CDH1: variants seen among roughly 807,000 people sequenced by gnomAD.
The protein encoded by CDH1 is cadherin-1.
In CDH1, 35 loss-of-function variants were observed where a neutral mutation model predicts 84.5. The ratio of observed to expected loss-of-function variants is 0.41; its 90% CI spans 0.32 to 0.55. The LOEUF is 0.55. Ranked by LOEUF, CDH1 falls within the 20% of genes least tolerant of loss-of-function variation. CDH1 has a pLI of 0.19. For missense variants in CDH1, 994 were observed against 1,126.6 expected (o/e 0.88, Z 1.68); for synonymous variants, 417 against 439.0 (o/e 0.95, Z 0.63).
At chr16:68,748,071 A>G (rs1292247111) in intron 2 of CDH1, among the ~76,000 whole-genome samples, 3 of 109,284 alleles carry the variant, frequency 2.7e-5, no homozygotes, top group South Asian at 5.4e-4. Context: ...GCCCATTTTT[A>G]TTTTTTTTAA....
At chr16:68,765,690 C>CTTTTTTTTTTT (rs5817651) in intron 2 of CDH1, 1 of 146,204 alleles carries the variant, frequency 6.8e-6, no homozygotes, top group Non-Finnish European at 1.5e-5. Flanking sequence ...GACCTGTCTC[C>CTTTTTTTTTTT]TTTTTTTTTT....
intron 2 of CDH1, among the ~76,000 whole-genome samples, chr16:68,793,958 G>A (rs1391128315): frequency 6.6e-6 from 1 of 151,498 alleles, no homozygotes; most frequent in Non-Finnish European, 1.5e-5. Context: ...AAAAGTGGGA[G>A]GATGCTAAAA....
intron 2 of CDH1, among the ~76,000 whole-genome samples, chr16:68,799,217 A>G (rs1246802234): frequency 1.3e-5 from 2 of 152,168 alleles, no homozygotes; most frequent in African/African-American, 4.8e-5. Flanking sequence ...CTGTCTTCCC[A>G]TCATTTATTA....
At chr16:68,793,382 C>T (rs1960264562) in intron 2 of CDH1, among the ~76,000 whole-genome samples, 1 of 152,026 alleles carries the variant, frequency 6.6e-6, no homozygotes, top group Non-Finnish European at 1.5e-5. Context: ...ATGCTTTTGC[C>T]GTTATTCTCA....
chr16:68,762,038 C>A (rs1959234338), intron 2 of CDH1, among the ~76,000 whole-genome samples: 1 of 152,216 alleles, frequency 6.6e-6, no homozygotes, highest in African/African-American at 2.4e-5. Context: ...AGCATGGGCA[C>A]TGGCCTGCCT....
rs559645609 is a variant in CDH1, at chr16:68,805,404, G to T, written c.388-3020G>T. Among the ~76,000 whole-genome samples, 1 of 152,142 alleles carries T rather than the reference G, an allele frequency of 6.6e-6. No homozygotes were observed. Among genetic ancestry groups the T allele is most frequent in the African/African-American group, 2.4e-5 (1 of 41,436 alleles). On this transcript the variant is annotated intron_variant, in intron 3 of 15. Transcript: ENST00000261769. ...TTTCATTTAACACATGAAAATGTTA[G>T]TGTGATGTTTTGCCAGCACAGTGTT... is the stretch of plus-strand genomic sequence containing the variant.
At chr16:68,778,665 G>A (rs1449973602) in intron 2 of CDH1, among the ~76,000 whole-genome samples, 1 of 152,116 alleles carries the variant, frequency 6.6e-6, no homozygotes, top group Non-Finnish European at 1.5e-5. Context: ...AGGCAGGCAG[G>A]CAGGCCGGTT....
chr16:68,741,338 G>C (rs1334340675), intron 2 of CDH1, among the ~76,000 whole-genome samples: 3 of 152,182 alleles, frequency 2.0e-5, no homozygotes, highest in Non-Finnish European at 4.4e-5. Flanking sequence ...GAACTGGCTT[G>C]TGATTTTAAA....
intron 2 of CDH1, among the ~76,000 whole-genome samples, chr16:68,784,698 T>C (rs899381665): frequency 6.6e-6 from 1 of 152,200 alleles, no homozygotes; most frequent in African/African-American, 2.4e-5. Context: ...TATCTTTTTA[T>C]GCCTTTGGAT....
At chr16:68,745,549 A>ATATATATATATATATATGTATAT (rs1285099283) in intron 2 of CDH1, among the ~76,000 whole-genome samples, 15 of 75,178 alleles carry the variant, frequency 2.0e-4, no homozygotes, top group African/African-American at 8.3e-4. Flanking sequence ...AAAAAAAAAA[A>ATATATATATATATATATGTATAT]ATATATATAT....
rs372188338 is a variant in CDH1 at position 68,808,615 on chromosome 16, G to A, written c.531+48G>A. The A allele has an allele frequency of 2.2e-5, 36 of 1,613,274 alleles. No individual in the cohort carries two copies. In the South Asian group the frequency reaches 2.4e-4, roughly 11 times the overall value. ...TCTCTGGGAGGGATTTGGCAGAGAA[G>A]TACCAAGGAGAGAAAGGGAAAAGAC... On this transcript the variant is annotated intron_variant, in intron 4 of 15. Transcript: ENST00000261769.
chr16:68,813,529 G>C (rs1960902989), intron 9 of CDH1, 34 bp downstream of exon 9: 1 of 1,599,190 alleles, frequency 6.3e-7, no homozygotes, highest in Non-Finnish European at 8.6e-7. Flanking sequence ...GCAGAAACTG[G>C]CATCCTCACA....
rs1555518347 is a variant in CDH1 at position 68,833,720 on chromosome 16, T to TC, written c.*224dup. The TC allele has an allele frequency of 9.1e-6, 5 of 549,536 alleles. No individual in the cohort carries two copies. The highest frequency in any genetic ancestry group is 3.8e-5 in the African/African-American group (2 of 52,996). The allele number at this position is 549,536 out of a possible 1,614,324, so 34.0% of individuals were successfully genotyped here. A position where few individuals can be genotyped will look rare whatever the true frequency, so the allele number is the denominator to read the frequency against. On this transcript the variant is annotated 3_prime_UTR_variant, in exon 16 of 16. Transcript: ENST00000261769. Reference sequence around the variant, plus strand: ...TTATTTCTTAAAGCTTTTTTTTTTTTCCCATCACTCTTTACATGGTGGTGA... The same window carrying TC: ...TTATTTCTTAAAGCTTTTTTTTTTTTCCCCATCACTCTTTACATGGTGGTGA...
chr16:68,749,757 C>T (rs1280424451), intron 2 of CDH1, among the ~76,000 whole-genome samples: 1 of 152,196 alleles, frequency 6.6e-6, no homozygotes, highest in African/African-American at 2.4e-5. Context: ...AGGCCTTTCT[C>T]CTTCCAAAAC....
At chr16:68,751,219 C>G (rs978295399) in intron 2 of CDH1, among the ~76,000 whole-genome samples, 1 of 152,158 alleles carries the variant, frequency 6.6e-6, no homozygotes, top group African/African-American at 2.4e-5. Flanking sequence ...CGCCTAAGTC[C>G]TTTCTATGAC....
intron 2 of CDH1, among the ~76,000 whole-genome samples, chr16:68,780,297 A>G (rs894341560): frequency 2.6e-5 from 4 of 151,462 alleles, no homozygotes; most frequent in African/African-American, 9.7e-5. Context: ...ATTTTATTTT[A>G]TTATTTTTTG....
At position 68,801,706 on chromosome 16, in the gene CDH1, C is replaced by A. The variant is rs730881660; in HGVS notation, c.200C>A (p.Ala67Asp). 4 of 1,614,032 alleles carry A rather than the reference C, an allele frequency of 2.5e-6. No individual in the cohort carries two copies. Among genetic ancestry groups the A allele is most frequent in the Non-Finnish European group, 2.5e-6 (3 of 1,180,002 alleles). Residue 67 changes from alanine (A) to aspartate (D), a missense_variant, in exon 3 of 16, where the codon GCC becomes GAC. Transcript: ENST00000261769. Reference sequence around the variant, plus strand: ...GATTGCACCGGTCGACAAAGGACAGCCTATTTTTCCCTCGACACCCGATTC... The same window carrying A: ...GATTGCACCGGTCGACAAAGGACAGACTATTTTTCCCTCGACACCCGATTC... ...FEDCTGRQRTAYFSLDTRFKV... is the reference protein window; with the variant it reads ...FEDCTGRQRTDYFSLDTRFKV...
intron 13 of CDH1, among the ~76,000 whole-genome samples, chr16:68,827,737 G>T (rs577873154): frequency 2.0e-5 from 3 of 151,698 alleles, no homozygotes; most frequent in Non-Finnish European, 4.4e-5. Flanking sequence ...TGTCCCTCCC[G>T]CCCTGCTTGC....
chr16:68,831,381 C>T (rs537810137), intron 15 of CDH1, among the ~76,000 whole-genome samples: 59 of 151,644 alleles, frequency 3.9e-4, no homozygotes, highest in African/African-American at 1.3e-3. Flanking sequence ...TGAGCCACCA[C>T]GCCCGGACTG....
Sources: gnomAD v4.1 joint callset for allele counts (sites outside exome capture counted in the v4.1 genomes callset) on GRCh38, gnomAD v4.1.1 for gene constraint, MANE v1.5 for transcripts, NCBI Gene and HGNC (gene_info 2026-07-23, HGNC 2026-07-21) for gene names.